CFLAR: variants seen among roughly 807,000 people sequenced by gnomAD.
CFLAR encodes CASP8 and FADD-like apoptosis regulator.
CFLAR carries 14 observed loss-of-function variants against 51.1 expected under a neutral mutation model. The ratio of observed to expected loss-of-function variants is 0.27; its 90% CI spans 0.18 to 0.43. CFLAR has a LOEUF of 0.43. Ranked by LOEUF, CFLAR falls within the 20% of genes least tolerant of loss-of-function variation. The pLI is 1.00. For synonymous variants in CFLAR, 210 were observed against 211.6 expected (o/e 0.99, Z 0.06); for missense variants, 390 against 566.5 (o/e 0.69, Z 3.16).
chr2:201,162,279 T>A (rs1181619522), intron 9 of CFLAR, among the ~76,000 whole-genome samples: 1 of 151,762 alleles, frequency 6.6e-6, no homozygotes, highest in Non-Finnish European at 1.5e-5. Context: ...AATTTTTGTA[T>A]TTTTAGTAGA....
rs1943833265 is a variant in CFLAR, at chr2:201,168,872, A to G, written c.*4899A>G. ...GAATGAACTCCCATTCACAGTTGCT[A>G]GAAAGAGAATAAAATACCTAGGAAT... On this transcript the variant is annotated 3_prime_UTR_variant, in exon 10 of 10. Transcript: ENST00000309955. The G allele has an allele frequency of 6.6e-6, 1 of 152,180 alleles. No individual in the cohort carries two copies. The highest frequency in any genetic ancestry group is 2.4e-5 in the African/African-American group (1 of 41,440). The allele number at this position is 152,180 out of a possible 1,614,324, so 9.4% of individuals were successfully genotyped here.
chr2:201,123,802 A>C (rs2048420346), intron 1 of CFLAR, among the ~76,000 whole-genome samples: 1 of 152,232 alleles, frequency 6.6e-6, no homozygotes, highest in Non-Finnish European at 1.5e-5. Context: ...ATGAATGCAC[A>C]AAACTTCTGT....
rs1944096759 is a variant in CFLAR at position 201,172,887 on chromosome 2, GT to G, written c.*8918del. ...TATATGAATTTTTATATGGATATAT[GT>G]TTTCAGTTCTTCTGGGCATATACCT... On this transcript the variant is annotated 3_prime_UTR_variant, in exon 10 of 10. Transcript: ENST00000309955. The G allele has an allele frequency of 1.3e-5, 2 of 152,182 alleles. No homozygotes were observed. The highest frequency in any genetic ancestry group is 2.9e-5 in the Non-Finnish European group (2 of 68,028). The allele number at this position is 152,182 out of a possible 1,614,324, so 9.4% of individuals were successfully genotyped here.
At chr2:201,144,631 G>C (rs563156999) in intron 5 of CFLAR, among the ~76,000 whole-genome samples, 2 of 152,222 alleles carry the variant, frequency 1.3e-5, no homozygotes, top group East Asian at 3.9e-4. Context: ...GGCAGAATTA[G>C]GATTCCTAGC....
chr2:201,124,645 T>C lies in CFLAR; in HGVS notation c.-137-5084T>C, dbSNP rs746942260. Among the ~76,000 whole-genome samples the C allele has an allele frequency of 1.1e-4, 17 of 152,152 alleles. No homozygotes were observed. Among genetic ancestry groups the C allele is most frequent in the Non-Finnish European group, 4.4e-5 (3 of 68,034 alleles). ...CCACCGCGCCTGGCCAGTTCAGGCATGAACTTTAGAAATTTCACTTAGATG... is the reference window on the plus strand; with the variant it reads ...CCACCGCGCCTGGCCAGTTCAGGCACGAACTTTAGAAATTTCACTTAGATG... On this transcript the variant is annotated intron_variant, in intron 1 of 9. Transcript: ENST00000309955. This position sits in a 1 kb window ranked among gnomAD's most constrained non-coding sequence, Gnocchi z 4.7.
intron 5 of CFLAR, 53 bp downstream of exon 5, chr2:201,140,492 T>C: frequency 4.5e-6 from 6 of 1,346,288 alleles, no homozygotes; most frequent in Non-Finnish European, 5.1e-6. Flanking sequence ...TTCAGAGTTC[T>C]AATAAAAATA....
chr2:201,136,500 T>C (rs1286522343), intron 4 of CFLAR: 8 of 1,578,424 alleles, frequency 5.1e-6, no homozygotes, highest in African/African-American at 1.3e-5. Flanking sequence ...TTGGGTCTCA[T>C]ACCTTCCTTG....
In CFLAR at chr2:201,168,011, A is replaced by C. The variant is rs1943754173; in HGVS notation, c.*4038A>C. 6.6e-6 allele frequency: 1 copy of C among 152,316 alleles called. No individual in the cohort carries two copies. Among genetic ancestry groups the C allele is most frequent in the Non-Finnish European group, 1.5e-5 (1 of 68,096 alleles). The allele number at this position is 152,316 out of a possible 1,614,324, so 9.4% of individuals were successfully genotyped here. On this transcript the variant is annotated 3_prime_UTR_variant, in exon 10 of 10. Coordinates refer to ENST00000309955, the MANE Select transcript of CFLAR (RefSeq NM_003879.7). The stretch of plus-strand genomic sequence containing the variant: ...ATAATCCCAGCCCTTTGGGAGGCCA[A>C]GGCGGGCGGATCACGAGGTCAGGAG...
At chr2:201,161,865 G>C (rs1943073667) in intron 9 of CFLAR, among the ~76,000 whole-genome samples, 1 of 144,722 alleles carries the variant, frequency 6.9e-6, no homozygotes, top group African/African-American at 2.6e-5. Flanking sequence ...TCCTGCCTCA[G>C]CTTCCCGAGT....
At chr2:201,152,127 G>A (rs1324881778) in intron 8 of CFLAR, among the ~76,000 whole-genome samples, 2 of 151,934 alleles carry the variant, frequency 1.3e-5, no homozygotes, top group South Asian at 4.2e-4. Flanking sequence ...CATCCCTGCC[G>A]GGAATACAGG....
intron 4 of CFLAR, chr2:201,136,514 G>A: frequency 6.5e-7 from 1 of 1,548,300 alleles, no homozygotes; most frequent in East Asian, 2.3e-5. Context: ...TTCCTTGCAT[G>A]TGTCCCAAGT....
rs181641333 is a variant in CFLAR at position 201,134,410 on chromosome 2, A to G, written c.387+1276A>G. ...AGCACTTTGGGAGGCTGAGCCGGGCAGATCACTTGAGGTCAGGAGTTCAAG... is the reference window on the plus strand; with the variant it reads ...AGCACTTTGGGAGGCTGAGCCGGGCGGATCACTTGAGGTCAGGAGTTCAAG... On this transcript the variant is annotated intron_variant, in intron 3 of 9. Transcript: ENST00000309955. Among the ~76,000 whole-genome samples the G allele has an allele frequency of 8.1e-3, 1,236 of 152,126 alleles. 23 individuals are homozygous for G. Among genetic ancestry groups the G allele is most frequent in the African/African-American group, 0.029 (1,193 of 41,502 alleles).
chr2:201,151,844 G>A (rs1226043602), intron 8 of CFLAR, among the ~76,000 whole-genome samples: 3 of 152,056 alleles, frequency 2.0e-5, no homozygotes, highest in Non-Finnish European at 2.9e-5. Context: ...GGGGCTGAAT[G>A]TATATTTGAA....
chr2:201,144,333 C>A (rs957748476), intron 5 of CFLAR: 2 of 152,210 alleles, frequency 1.3e-5, no homozygotes, highest in Admixed American at 1.3e-4. Context: ...TTTAATCTTT[C>A]ATTCTCTGAT....
In CFLAR at chr2:201,133,081, T is replaced by C; in HGVS notation, c.334T>C (p.Leu112=). Residue 112 remains leucine (L), a synonymous_variant, in exon 3 of 10, where the codon TTA becomes CTA. Coordinates refer to ENST00000309955, the MANE Select transcript of CFLAR (RefSeq NM_003879.7). The part of the protein sequence containing the change: ...EDLDKSDVSS[L]IFLMKDYMGR... Reference sequence around the variant, plus strand: ...TTTGGATAAATCTGATGTGTCCTCATTAATTTTCCTCATGAAGGATTACAT... The same window carrying C: ...TTTGGATAAATCTGATGTGTCCTCACTAATTTTCCTCATGAAGGATTACAT... 1 of 1,612,518 alleles carries C rather than the reference T, an allele frequency of 6.2e-7. No homozygotes were observed. The highest frequency in any genetic ancestry group is 8.5e-7 in the Non-Finnish European group (1 of 1,178,510).
At position 201,135,978 on chromosome 2, in the gene CFLAR, T is replaced by C. The variant is rs1311959275; in HGVS notation, c.394T>C (p.Leu132=). 3 of 1,610,450 alleles carry C rather than the reference T, an allele frequency of 1.9e-6. No individual in the cohort carries two copies. Among genetic ancestry groups the C allele is most frequent in the South Asian group, 2.2e-5 (2 of 90,620 alleles). The part of the protein sequence containing the change: ...RGKISKEKSF[L]DLVVELEKLN... ...TTGTTGGTGGTTCTCTTAGAGTTTCTTGGACCTTGTGGTTGAGTTGGAGAA... is the reference window on the plus strand; with the variant it reads ...TTGTTGGTGGTTCTCTTAGAGTTTCCTGGACCTTGTGGTTGAGTTGGAGAA... Residue 132 remains leucine (L), a synonymous_variant, in exon 4 of 10, where the codon TTG becomes CTG. Transcript: ENST00000309955.
rs1449837642 is a variant in CFLAR, at chr2:201,172,547, A to C, written c.*8574A>C. The stretch of plus-strand genomic sequence containing the variant: ...ACATTTCCATCTACCTAGAAACTCC[A>C]TACCAGTGAGCTGCCACTCTAATCC... On this transcript the variant is annotated 3_prime_UTR_variant, in exon 10 of 10. Transcript: ENST00000309955. 6.6e-6 allele frequency: 1 copy of C among 152,200 alleles called. No individual in the cohort carries two copies. The highest frequency in any genetic ancestry group is 1.5e-5 in the Non-Finnish European group (1 of 68,048). The allele number at this position is 152,200 out of a possible 1,614,324, so 9.4% of individuals were successfully genotyped here.
intron 1 of CFLAR, among the ~76,000 whole-genome samples, chr2:201,127,244 A>G (rs760801763): frequency 2.0e-5 from 3 of 152,232 alleles, no homozygotes. Flanking sequence ...TTGCCCCTTC[A>G]TCTGAGTAAG....
At chr2:201,149,908 G>A (rs1314805200) in intron 8 of CFLAR, 73 bp downstream of exon 8, 2 of 1,151,574 alleles carry the variant, frequency 1.7e-6, no homozygotes, top group East Asian at 4.7e-5. Context: ...GTATTCATTG[G>A]AGTGATCAGC....
Sources: allele counts gnomAD v4.1 joint callset (sites outside exome capture counted in the v4.1 genomes callset), GRCh38; gene constraint gnomAD v4.1.1; non-coding constraint Gnocchi (gnomAD v3.1); transcripts MANE v1.5; gene names NCBI Gene and HGNC (gene_info 2026-07-23, HGNC 2026-07-21).